The following DAPK1 variants were observed in gnomAD, a reference collection of about 807,000 sequenced individuals.
DAPK1 encodes death associated protein kinase 1, also known as death-associated protein kinase 1.
In DAPK1, 56 loss-of-function variants were observed where a neutral mutation model predicts 144.9. The observed-to-expected ratio is 0.39, with a 90% confidence interval of 0.31 to 0.48. DAPK1 has a LOEUF of 0.48. Ranked by LOEUF, DAPK1 falls within the 20% of genes least tolerant of loss-of-function variation. The pLI, the probability that DAPK1 is intolerant of heterozygous loss-of-function variation, is 0.95. For missense variants in DAPK1, 1,454 were observed against 1,875.4 expected (o/e 0.78, Z 4.15); for synonymous variants, 690 against 749.0 (o/e 0.92, Z 1.29).
chr9:87,641,879 C>A, intron 9 of DAPK1, 90 bp from the exon 10 acceptor site: 2 of 990,928 alleles, frequency 2.0e-6, no homozygotes, highest in African/African-American at 1.6e-5. Flanking sequence ...GTGTAAGCAT[C>A]CTGAATAAGG....
chr9:87,505,651 T>C (rs573605572), intron 2 of DAPK1, among the ~76,000 whole-genome samples: 4 of 151,948 alleles, frequency 2.6e-5, no homozygotes, highest in South Asian at 4.2e-4. Flanking sequence ...CTCCTCGGCC[T>C]CCCGAAGTGC....
intron 2 of DAPK1, among the ~76,000 whole-genome samples, chr9:87,560,456 C>A (rs1826870072): frequency 6.6e-6 from 1 of 152,136 alleles, no homozygotes; most frequent in Non-Finnish European, 1.5e-5. Context: ...TCTCATCTTG[C>A]AAAACTGAAA....
chr9:87,583,669 A>G (rs1827832064), intron 2 of DAPK1, among the ~76,000 whole-genome samples: 1 of 151,982 alleles, frequency 6.6e-6, no homozygotes, highest in South Asian at 2.1e-4. Flanking sequence ...TGACCTCCTC[A>G]TTTCCAGCCA....
intron 2 of DAPK1, chr9:87,554,124 C>G (rs1246163845): frequency 6.6e-6 from 1 of 152,220 alleles, no homozygotes; most frequent in Non-Finnish European, 1.5e-5. Flanking sequence ...CTTAGGTCAG[C>G]AATCCTGTTC....
In DAPK1 at chr9:87,659,539, C is replaced by T. The variant is rs192873422; in HGVS notation, c.1923+1412C>T. ...CATTATTGAAGATGCCAGCAGCTGACGCTGCTGATTCCCGCAGTGCGGGTT... is the reference window on the plus strand; with the variant it reads ...CATTATTGAAGATGCCAGCAGCTGATGCTGCTGATTCCCGCAGTGCGGGTT... On this transcript the variant is annotated intron_variant, in intron 18 of 25. Coordinates refer to ENST00000408954, the MANE Select transcript of DAPK1 (RefSeq NM_004938.4). Among the ~76,000 whole-genome samples, 215 of 152,350 alleles carry T rather than the reference C, an allele frequency of 1.4e-3. 1 individual carries two copies. The highest frequency in any genetic ancestry group is 0.01 in the Middle Eastern group (3 of 294).
intron 18 of DAPK1, among the ~76,000 whole-genome samples, chr9:87,662,962 G>A (rs1830916814): frequency 6.6e-6 from 1 of 151,908 alleles, no homozygotes; most frequent in South Asian, 2.1e-4. Context: ...AAGGCCTAGG[G>A]AGGGGCCTCT....
At chr9:87,683,087 T>TTATTA (rs1554704275) in intron 20 of DAPK1, among the ~76,000 whole-genome samples, 1 of 104,806 alleles carries the variant, frequency 9.5e-6, no homozygotes, top group African/African-American at 3.4e-5. Context: ...TTTTATTTAT[T>TTATTA]TTTTTTTTTT....
intron 2 of DAPK1, among the ~76,000 whole-genome samples, chr9:87,536,405 T>C (rs147632837): frequency 2.4e-4 from 36 of 152,262 alleles, no homozygotes; most frequent in African/African-American, 7.5e-4. Context: ...GACTTTTTCC[T>C]CTGGGGAAAT....
rs201550394 is a variant in DAPK1 at position 87,698,656 on chromosome 9, C to T, written c.2612C>T (p.Ala871Val). The change falls in exon 23 of 26, where the codon GCC (alanine) becomes GTC (valine). Residue 871 changes from alanine (A) to valine (V), a missense_variant and splice_region_variant. Around this residue, in one of 2 missense-constraint regions of DAPK1, gnomAD observed 1,025 missense variants for 1,237.9 expected, o/e 0.83. Coordinates refer to ENST00000408954, the MANE Select transcript of DAPK1 (RefSeq NM_004938.4). ...GAAGCAGTTCCCTCTCTGCCCCCAG[C>T]CTTCGGTGGCAAGCTGAAGAACCCA... ...KSLVPVEEPI[A>V]FGGKLKNPLQ... The T allele has an allele frequency of 9.4e-6, 15 of 1,601,518 alleles. No individual in the cohort carries two copies. Among genetic ancestry groups the T allele is most frequent in the Non-Finnish European group, 3.4e-6 (4 of 1,169,096 alleles).
rs1047594802 is a variant in DAPK1 at position 87,578,252 on chromosome 9, G to A, written c.63-26702G>A. ...ATATGTCCTTTTTAATAGAAAATTA[G>A]GATCATATGGATGTATGTAGTTGCA... On this transcript the variant is annotated intron_variant, in intron 2 of 25. Transcript: ENST00000408954. 5.3e-5 allele frequency among the ~76,000 whole-genome samples: 8 copies of A among 152,112 alleles called. No individual in the cohort carries two copies. The South Asian group carries it at 1.7e-3, about 32-fold the overall frequency.
In DAPK1 at chr9:87,703,072, C is replaced by T. The variant is rs768860878; in HGVS notation, c.2915C>T (p.Thr972Met). The change falls in exon 25 of 26, where the codon ACG (threonine) becomes ATG (methionine). Residue 972 changes from threonine to methionine, a missense_variant. Transcript: ENST00000408954. ...CACCTGTGTGAGAAAATCATCTCCACGCTGCCTTCCTGGAGGAAGCTCAAT... is the reference window on the plus strand; with the variant it reads ...CACCTGTGTGAGAAAATCATCTCCATGCTGCCTTCCTGGAGGAAGCTCAAT... ...MTHLCEKIISTLPSWRKLNGP... is the reference protein window; with the variant it reads ...MTHLCEKIISMLPSWRKLNGP... 6.3e-6 allele frequency: 10 copies of T among 1,599,168 alleles called. No individual in the cohort carries two copies. The highest frequency in any genetic ancestry group is 2.7e-5 in the African/African-American group (2 of 74,582).
At chr9:87,516,129 C>A (rs1825045031) in intron 2 of DAPK1, among the ~76,000 whole-genome samples, 1 of 152,196 alleles carries the variant, frequency 6.6e-6, no homozygotes, top group Non-Finnish European at 1.5e-5. Context: ...GGAGTTCACT[C>A]TCTGGCTGTA....
intron 2 of DAPK1, among the ~76,000 whole-genome samples, chr9:87,510,606 C>T (rs942072375): frequency 6.6e-6 from 1 of 152,180 alleles, no homozygotes; most frequent in Non-Finnish European, 1.5e-5. Flanking sequence ...TTGGCTTCCC[C>T]TGTGGACTGT....
chr9:87,525,503 G>A (rs1825473407), intron 2 of DAPK1: 3 of 1,285,964 alleles, frequency 2.3e-6, no homozygotes, highest in Non-Finnish European at 3.4e-6. Context: ...GATTATCCAA[G>A]GCATATACTC....
rs190392880 is a variant in DAPK1 at position 87,582,825 on chromosome 9, T to C, written c.63-22129T>C. On this transcript the variant is annotated intron_variant, in intron 2 of 25. Coordinates refer to ENST00000408954, the MANE Select transcript of DAPK1 (RefSeq NM_004938.4). ...ACCTCGGCCTCCCAAAGTGCTGGGA[T>C]TACAGGCATGAGCCACCGCGCCCAG... Among the ~76,000 whole-genome samples, 39 of 152,162 alleles carry C rather than the reference T, an allele frequency of 2.6e-4. 1 individual carries two copies. In the East Asian group the frequency reaches 7.5e-3, roughly 29 times the overall value.
At position 87,699,005 on chromosome 9, in the gene DAPK1, G is replaced by A. The variant is rs567838903; in HGVS notation, c.2750+211G>A. ...AGTGTTTCTGATTTCTTATTTGTTT[G>A]GATTTTAATATATGTACATATACAT... is the stretch of plus-strand genomic sequence containing the variant. On this transcript the variant is annotated intron_variant, in intron 23 of 25. Transcript: ENST00000408954. Among the ~76,000 whole-genome samples the A allele has an allele frequency of 5.3e-5, 8 of 152,172 alleles. No homozygotes were observed. In the East Asian group the frequency reaches 1.2e-3, roughly 22 times the overall value.
At chr9:87,505,722 C>T (rs1055458618) in intron 2 of DAPK1, among the ~76,000 whole-genome samples, 4 of 151,858 alleles carry the variant, frequency 2.6e-5, no homozygotes, top group African/African-American at 9.7e-5. Flanking sequence ...CGAAGTCTTG[C>T]TCTGTTGCCC....
At position 87,577,110 on chromosome 9, in the gene DAPK1, C is replaced by T. The variant is rs573827723; in HGVS notation, c.63-27844C>T. 4.3e-4 allele frequency among the ~76,000 whole-genome samples: 65 copies of T among 152,242 alleles called. 1 individual carries two copies. The South Asian group carries it at 0.012, about 29-fold the overall frequency. On this transcript the variant is annotated intron_variant, in intron 2 of 25. Transcript: ENST00000408954. The stretch of plus-strand genomic sequence containing the variant: ...TTCTGGTTTGTCCCTCAAATATATA[C>T]GGGAATCTGGTATGGAACTCAAGAT...
intron 2 of DAPK1, among the ~76,000 whole-genome samples, chr9:87,541,426 G>A (rs1826047285): frequency 6.6e-6 from 1 of 152,058 alleles, no homozygotes; most frequent in African/African-American, 2.4e-5. Flanking sequence ...GTGTGTGCCT[G>A]TAATCCCAGT....
Sources: gnomAD v4.1 joint callset for allele counts (sites outside exome capture counted in the v4.1 genomes callset) on GRCh38, gnomAD v4.1.1 for gene constraint, gnomAD v4.1.1 regional missense constraint, MANE v1.5 for transcripts, NCBI Gene and HGNC (gene_info 2026-07-23, HGNC 2026-07-21) for gene names.